TGFBR3: variants seen among roughly 807,000 people sequenced by gnomAD.
The protein encoded by TGFBR3 is transforming growth factor beta receptor type 3.
A neutral mutation model predicts 87.9 loss-of-function variants in TGFBR3; 46 were observed. The observed-to-expected ratio is 0.52, with a 90% CI of 0.41 to 0.67. The LOEUF is 0.67. Ranked by LOEUF, TGFBR3 falls within the 30% of genes least tolerant of loss-of-function variation. The pLI is 0.00. For synonymous variants in TGFBR3, 381 were observed against 391.6 expected, an observed-to-expected ratio of 0.97 and a Z score of 0.32; for missense variants, 866 against 1,041.9, an observed-to-expected ratio of 0.83 and a Z score of 2.32.
At chr1:91,849,726 A>G (rs1219462459) in intron 2 of TGFBR3, among the ~76,000 whole-genome samples, 2 of 152,224 alleles carry the variant, frequency 1.3e-5, no homozygotes, top group Admixed American at 1.3e-4. Flanking sequence ...GAAATACAAT[A>G]GGTACTCAGT....
intron 3 of TGFBR3, among the ~76,000 whole-genome samples, chr1:91,788,032 C>T (rs1466397716): frequency 6.6e-6 from 1 of 151,508 alleles, no homozygotes; most frequent in Non-Finnish European, 1.5e-5. Context: ...ACCAGGAAAC[C>T]AAGAGGGAGG....
At chr1:91,894,661 C>T (rs937616762) in intron 2 of TGFBR3, among the ~76,000 whole-genome samples, 11 of 152,264 alleles carry the variant, frequency 7.2e-5, no homozygotes, top group African/African-American at 2.7e-4. Flanking sequence ...GTTTCCCTCC[C>T]ATCACACTGG....
intron 3 of TGFBR3, 118 bp downstream of exon 3, chr1:91,797,169 T>C: frequency 9.0e-7 from 1 of 1,117,158 alleles, no homozygotes; most frequent in South Asian, 1.2e-5. Flanking sequence ...TCTGTTCTCT[T>C]ATGTTCATAC....
chr1:91,698,241 G>A lies in TGFBR3; in HGVS notation c.2288-111C>T, dbSNP rs1272183801. On this transcript the variant is annotated intron_variant, in intron 14 of 16. Transcript: ENST00000212355. ...ACTTTTCCATTTGGTAATAAATACT[G>A]TGAGAAAGCTCTGTCAATGATCCTC... is the stretch of plus-strand genomic sequence containing the variant. The A allele has an allele frequency of 4.4e-6, 4 of 908,618 alleles. No individual in the cohort carries two copies. In the East Asian group the frequency reaches 9.7e-5, roughly 22 times the overall value. 56.3% of individuals were successfully genotyped at this position (908,618 alleles called of 1,614,324 possible).
rs56862200 is a variant in TGFBR3 at position 91,780,884 on chromosome 1, T to TACACACAC, written c.246+16395_246+16402dup. On this transcript the variant is annotated intron_variant, in intron 3 of 16. Coordinates refer to ENST00000212355, the MANE Select transcript of TGFBR3 (RefSeq NM_003243.5). ...TCCTAAGGCTTTTAAACTAGAGAAC[T>TACACACAC]ACACACACACACACACACACACACA... Among the ~76,000 whole-genome samples, 514 of 132,644 alleles carry TACACACAC rather than the reference T, an allele frequency of 3.9e-3. 2 individuals carry two copies. The highest frequency in any genetic ancestry group is 0.018 in the Admixed American group (241 of 13,108). 87.0% of individuals were successfully genotyped at this position (132,644 alleles called of 152,430 possible).
At chr1:91,845,782 G>A (rs903273187) in intron 2 of TGFBR3, among the ~76,000 whole-genome samples, 3 of 151,934 alleles carry the variant, frequency 2.0e-5, no homozygotes, top group African/African-American at 7.3e-5. Flanking sequence ...GCTGACCTGG[G>A]CCACCTAAAC....
intron 1 of TGFBR3, among the ~76,000 whole-genome samples, chr1:91,883,662 T>C (rs1679184772): frequency 1.3e-5 from 2 of 152,146 alleles, no homozygotes; most frequent in Non-Finnish European, 2.9e-5. Context: ...ATGTTGGTGA[T>C]TTTTATATTT....
At chr1:91,687,304 T>C (rs1360972597) in intron 16 of TGFBR3, among the ~76,000 whole-genome samples, 1 of 152,034 alleles carries the variant, frequency 6.6e-6, no homozygotes, top group Admixed American at 6.5e-5. Context: ...CACTCCAACC[T>C]GGGCAACAGA....
At chr1:91,731,222 G>A (rs905284977) in intron 5 of TGFBR3, among the ~76,000 whole-genome samples, 4 of 152,174 alleles carry the variant, frequency 2.6e-5, no homozygotes, top group African/African-American at 9.7e-5. Flanking sequence ...TTGGAGTAAG[G>A]AATCCAACCA....
rs539093148 is a variant in TGFBR3 at position 91,838,458 on chromosome 1, CTT to C, written c.61+23011_61+23012del. ...CACTGTTTTACATTTTTGGAAATCT[CTT>C]TTTTTTTTTTTTTTTTGAGACGGAG... On this transcript the variant is annotated intron_variant, in intron 2 of 16. Coordinates refer to ENST00000212355, the MANE Select transcript of TGFBR3 (RefSeq NM_003243.5). Among the ~76,000 whole-genome samples the C allele has an allele frequency of 3.1e-3, 390 of 125,208 alleles. 1 individual carries two copies. The highest frequency in any genetic ancestry group is 0.01 in the African/African-American group (325 of 31,598). 82.1% of individuals were successfully genotyped at this position (125,208 alleles called of 152,430 possible).
At chr1:91,843,486 C>A (rs543879293) in intron 2 of TGFBR3, among the ~76,000 whole-genome samples, 1 of 152,334 alleles carries the variant, frequency 6.6e-6, no homozygotes, top group South Asian at 2.1e-4. Context: ...ATAAGACATA[C>A]AATCTATGTG....
chr1:91,865,202 C>CAAAAAA (rs67134125), intron 1 of TGFBR3, among the ~76,000 whole-genome samples: 23 of 105,158 alleles, frequency 2.2e-4, no homozygotes, highest in African/African-American at 6.0e-4. Context: ...GACTCCATCT[C>CAAAAAA]AAAAAAAAAA....
intron 14 of TGFBR3, among the ~76,000 whole-genome samples, chr1:91,704,685 A>G (rs1671734892): frequency 6.6e-6 from 1 of 152,266 alleles, no homozygotes; most frequent in Non-Finnish European, 1.5e-5. Context: ...CATCACCATC[A>G]GCTTTAAACT....
At chr1:91,861,441 C>G (rs1277156804) in intron 2 of TGFBR3, 30 bp downstream of exon 2, 1 of 1,544,864 alleles carries the variant, frequency 6.5e-7, no homozygotes, top group South Asian at 1.1e-5. Context: ...AAATATATAA[C>G]AAATATGCAA....
intron 3 of TGFBR3, among the ~76,000 whole-genome samples, chr1:91,766,068 C>T (rs1403250005): frequency 6.6e-6 from 1 of 152,138 alleles, no homozygotes; most frequent in Non-Finnish European, 1.5e-5. Flanking sequence ...CACTCTGTCG[C>T]CCAGGCTGGA....
intron 5 of TGFBR3, among the ~76,000 whole-genome samples, chr1:91,733,747 A>T (rs1442919825): frequency 6.6e-6 from 1 of 152,200 alleles, no homozygotes; most frequent in Admixed American, 6.5e-5. Flanking sequence ...ATTTTTAAAA[A>T]AAGGTCTGGC....
intron 2 of TGFBR3, among the ~76,000 whole-genome samples, chr1:91,850,080 CAAAAAAAAAAAAAAA>C (rs376631972): frequency 3.8e-5 from 2 of 52,156 alleles, no homozygotes; most frequent in African/African-American, 1.3e-4. Context: ...GACTCCATCT[CAAAAAAAAAAAAAAA>C]AAAAAAAAAG....
intron 16 of TGFBR3, among the ~76,000 whole-genome samples, chr1:91,692,122 GA>G (rs138938627): frequency 0.012 from 1,795 of 152,322 alleles, 32 homozygotes; most frequent in African/African-American, 0.04. Context: ...AGTTAACTGT[GA>G]TTAGCATTTA....
Position 91,691,177 on chromosome 1 carries a change from G to C in TGFBR3, c.2437+4495C>G, listed in dbSNP as rs549951124. On this transcript the variant is annotated intron_variant, in intron 16 of 16. Transcript: ENST00000212355. The stretch of plus-strand genomic sequence containing the variant: ...AAGAAAGGAAAATTAAAGGACAAGA[G>C]GTTCAACTTTCAAATAAAATGATTT... Among the ~76,000 whole-genome samples, 10 of 151,950 alleles carry C rather than the reference G, an allele frequency of 6.6e-5. 1 individual carries two copies. The South Asian group carries it at 1.0e-3, about 16-fold the overall frequency.
Sources: gnomAD v4.1 joint callset for allele counts (sites outside exome capture counted in the v4.1 genomes callset) on GRCh38, gnomAD v4.1.1 for gene constraint, MANE v1.5 for transcripts, NCBI Gene and HGNC (gene_info 2026-07-23, HGNC 2026-07-21) for gene names.